The following SCD5 variants were observed in gnomAD, a reference collection of about 807,000 sequenced individuals.
SCD5 encodes the protein acyl-CoA-desaturase 4.
SCD5 carries 20 observed loss-of-function variants against 30.4 expected under a neutral mutation model. That is an observed-to-expected ratio of 0.66 (90% CI 0.46 to 0.96). The LOEUF (loss-of-function observed/expected upper bound fraction) is 0.96. Ranked by LOEUF, SCD5 falls within the 40% of genes least tolerant of loss-of-function variation. The pLI is 0.00. For missense variants in SCD5, 381 were observed against 443.3 expected (o/e 0.86, Z 1.26); for synonymous variants, 173 against 176.4 (o/e 0.98, Z 0.16).
In SCD5 at chr4:82,631,520, G is replaced by C; in HGVS notation, c.803-3C>G. 1 of 1,613,206 alleles carries C rather than the reference G, an allele frequency of 6.2e-7. No homozygotes were observed. The highest frequency in any genetic ancestry group is 1.3e-5 in the African/African-American group (1 of 75,006). Reference sequence around the variant, plus strand: ...ATGGTAATTATGGAAGCCTTCACCTGGAAGACAAAGCGGGCATTGATATAA... The same window carrying C: ...ATGGTAATTATGGAAGCCTTCACCTCGAAGACAAAGCGGGCATTGATATAA... On this transcript the variant is annotated splice_polypyrimidine_tract_variant and splice_region_variant and intron_variant, in intron 4 of 4. Transcript: ENST00000319540.
intron 3 of SCD5, among the ~76,000 whole-genome samples, chr4:82,648,712 C>T (rs895418448): frequency 1.3e-5 from 2 of 151,806 alleles, no homozygotes; most frequent in African/African-American, 4.9e-5. Context: ...AGTGTTGCCA[C>T]CAGCAGTTGC....
intron 1 of SCD5, among the ~76,000 whole-genome samples, chr4:82,730,830 TG>T (rs1720627461): frequency 2.0e-5 from 3 of 152,060 alleles, no homozygotes; most frequent in Non-Finnish European, 4.4e-5. Flanking sequence ...GTAATCCGCT[TG>T]CCTCGGCCTC....
chr4:82,779,348 C>A (rs1278369530), intron 1 of SCD5, among the ~76,000 whole-genome samples: 1 of 152,146 alleles, frequency 6.6e-6, no homozygotes, highest in Non-Finnish European at 1.5e-5. Flanking sequence ...CAGCCAAGGA[C>A]AGCATGCAGC....
chr4:82,643,661 T>C (rs1263285799), intron 3 of SCD5, among the ~76,000 whole-genome samples: 1 of 152,232 alleles, frequency 6.6e-6, no homozygotes, highest in Admixed American at 6.5e-5. Context: ...GTATCATTAG[T>C]GTACTTAATG....
chr4:82,759,675 T>A (rs1721313964), intron 1 of SCD5, among the ~76,000 whole-genome samples: 1 of 143,234 alleles, frequency 7.0e-6, no homozygotes, highest in Non-Finnish European at 1.5e-5. Context: ...AAAAGTTATC[T>A]CTTGTAAACC....
At chr4:82,727,768 C>A (rs116067196) in intron 1 of SCD5, among the ~76,000 whole-genome samples, 2 of 152,242 alleles carry the variant, frequency 1.3e-5, no homozygotes, top group Non-Finnish European at 2.9e-5. Flanking sequence ...GTGCAGTGAC[C>A]GCGATCTCGG....
intron 2 of SCD5, among the ~76,000 whole-genome samples, chr4:82,692,798 C>T (rs1055038510): frequency 2.6e-5 from 4 of 152,194 alleles, no homozygotes; most frequent in South Asian, 2.1e-4. Flanking sequence ...AACTCCAGTC[C>T]GCTGAGGAAC....
intron 1 of SCD5, among the ~76,000 whole-genome samples, chr4:82,771,194 C>T (rs1721613740): frequency 1.3e-5 from 2 of 152,166 alleles, no homozygotes; most frequent in African/African-American, 4.8e-5. Flanking sequence ...GTCTCATACT[C>T]CTGGGTTCAA....
chr4:82,764,510 G>A (rs1219818042), intron 1 of SCD5, among the ~76,000 whole-genome samples: 3 of 151,958 alleles, frequency 2.0e-5, no homozygotes, highest in African/African-American at 7.3e-5. Context: ...TTTAGTGGTT[G>A]CTTTAGGGTT....
chr4:82,683,033 C>A (rs892974852), intron 2 of SCD5, among the ~76,000 whole-genome samples: 1 of 151,870 alleles, frequency 6.6e-6, no homozygotes, highest in East Asian at 1.9e-4. Flanking sequence ...CCAGGCTGGT[C>A]GAAAATTTTA....
chr4:82,718,037 A>G (rs1720267908), intron 1 of SCD5, among the ~76,000 whole-genome samples: 1 of 150,896 alleles, frequency 6.6e-6, no homozygotes, highest in Non-Finnish European at 1.5e-5. Flanking sequence ...TTCTGCTGTC[A>G]TCATCTGAAC....
Position 82,645,561 on chromosome 4 carries a change from C to G in SCD5, c.570-8738G>C, listed in dbSNP as rs539366108. 2.4e-4 allele frequency among the ~76,000 whole-genome samples: 37 copies of G among 152,330 alleles called. 2 individuals carry two copies. The South Asian group carries it at 7.5e-3, about 31-fold the overall frequency. ...ACAACAGATGCTGTAAGCCCTTCCA[C>G]TACCCACCCCTCTCAAATTCTCATC... On this transcript the variant is annotated intron_variant, in intron 3 of 4. Transcript: ENST00000319540.
chr4:82,690,515 T>C (rs772510452), intron 2 of SCD5, among the ~76,000 whole-genome samples: 2 of 152,212 alleles, frequency 1.3e-5, no homozygotes, highest in African/African-American at 4.8e-5. Flanking sequence ...TCTACCACCC[T>C]TGTTCAGGCT....
At chr4:82,714,022 G>A (rs1462432615) in intron 1 of SCD5, among the ~76,000 whole-genome samples, 1 of 152,106 alleles carries the variant, frequency 6.6e-6, no homozygotes, top group African/African-American at 2.4e-5. Flanking sequence ...CTTTAAGTCT[G>A]GCCCTTCCCT....
intron 2 of SCD5, among the ~76,000 whole-genome samples, chr4:82,687,010 A>C (rs1728723013): frequency 6.6e-6 from 1 of 152,024 alleles, no homozygotes. Context: ...GTCTCTACTA[A>C]AGGTACAAAA....
At chr4:82,753,044 C>A (rs1312154643) in intron 1 of SCD5, among the ~76,000 whole-genome samples, 1 of 152,102 alleles carries the variant, frequency 6.6e-6, no homozygotes, top group Non-Finnish European at 1.5e-5. Flanking sequence ...TTCTGGGGAC[C>A]CACACCATCA....
At chr4:82,736,426 T>C (rs1720753148) in intron 1 of SCD5, among the ~76,000 whole-genome samples, 1 of 151,430 alleles carries the variant, frequency 6.6e-6, no homozygotes, top group Admixed American at 6.6e-5. Flanking sequence ...CTGGCCAACA[T>C]GGTGAAACCT....
In SCD5 at chr4:82,630,357, C is replaced by CCA. The variant is rs928299332; in HGVS notation, c.*968_*969dup. On this transcript the variant is annotated 3_prime_UTR_variant, in exon 5 of 5. Transcript: ENST00000319540. ...TGATTCTCTTAAGCAAACAATAAAA[C>CCA]CACACACACACAATAATTAACAAAA... 2.6e-5 allele frequency: 4 copies of CCA among 151,792 alleles called. No homozygotes were observed. 9.4% of individuals were successfully genotyped at this position (151,792 alleles called of 1,614,324 possible). A position where few individuals can be genotyped will look rare whatever the true frequency, so the allele number is the denominator to read the frequency against.
intron 1 of SCD5, among the ~76,000 whole-genome samples, chr4:82,729,393 CG>C (rs1720578456): frequency 1.3e-5 from 2 of 152,156 alleles, no homozygotes; most frequent in Admixed American, 6.5e-5. Context: ...TTATAGTCAG[CG>C]ATGCTTTCTT....
Sources: gnomAD v4.1 joint callset for allele counts (sites outside exome capture counted in the v4.1 genomes callset) on GRCh38, gnomAD v4.1.1 for gene constraint, MANE v1.5 for transcripts, NCBI Gene and HGNC (gene_info 2026-07-23, HGNC 2026-07-21) for gene names.